The following CRMP1 variants were observed in gnomAD, a reference collection of about 807,000 sequenced individuals.
CRMP1 encodes dihydropyrimidinase-related protein 1.
In CRMP1, 19 loss-of-function variants were observed where a neutral mutation model predicts 68.3. That is an observed-to-expected ratio of 0.28 (90% CI 0.19 to 0.41). The LOEUF (loss-of-function observed/expected upper bound fraction) is 0.41, where lower values mean the gene tolerates loss of function less well. CRMP1 is among the 10% of genes least tolerant of loss of function. CRMP1 has a pLI of 1.00. For synonymous variants in CRMP1, 439 were observed against 399.6 expected (o/e 1.10, Z -1.18); for missense variants, 791 against 967.4 (o/e 0.82, Z 2.42).
chr4:5,875,815 A>G (rs1278418875), intron 1 of CRMP1, among the ~76,000 whole-genome samples: 2 of 151,342 alleles, frequency 1.3e-5, no homozygotes, highest in Admixed American at 6.6e-5. Flanking sequence ...ACCACATCCA[A>G]CCTTATAGTT....
chr4:5,842,908 C>A lies in CRMP1; in HGVS notation c.1032+185G>T, dbSNP rs762083456. The stretch of plus-strand genomic sequence containing the variant: ...TTCCAGGACCCTGGGAGAGGCAGCA[C>A]CTCTTCCTGTCTTCTCCAGCCAGCA... On this transcript the variant is annotated intron_variant, in intron 7 of 13. Transcript: ENST00000324989. This position sits in a 1 kb window ranked among gnomAD's most constrained non-coding sequence, Gnocchi z 4.5. Among the ~76,000 whole-genome samples, 1 of 152,176 alleles carries A rather than the reference C, an allele frequency of 6.6e-6. No homozygotes were observed. Among genetic ancestry groups the A allele is most frequent in the South Asian group, 2.1e-4 (1 of 4,824 alleles).
Position 5,860,176 on chromosome 4 carries a change from G to A in CRMP1, c.655+850C>T, listed in dbSNP as rs548707767. ...GTGTGCTCCTGTCAACTTTGGGCTCGGCCACATGACTGACCTTGGCCAATG... is the reference window on the plus strand; with the variant it reads ...GTGTGCTCCTGTCAACTTTGGGCTCAGCCACATGACTGACCTTGGCCAATG... On this transcript the variant is annotated intron_variant, in intron 3 of 13. Coordinates refer to ENST00000324989, the MANE Select transcript of CRMP1 (RefSeq NM_001014809.3). The surrounding 1 kb of genome is among the most constrained non-coding windows in gnomAD (Gnocchi z 4.2). Among the ~76,000 whole-genome samples, 3 of 152,160 alleles carry A rather than the reference G, an allele frequency of 2.0e-5. No individual in the cohort carries two copies. Among genetic ancestry groups the A allele is most frequent in the South Asian group, 2.1e-4 (1 of 4,804 alleles).
rs71171489 is a variant in CRMP1, at chr4:5,842,428, C to CAA, written c.1032+663_1032+664dup. 5.0e-5 allele frequency among the ~76,000 whole-genome samples: 5 copies of CAA among 99,080 alleles called. No individual in the cohort carries two copies. The highest frequency in any genetic ancestry group is 1.1e-4 in the Admixed American group (1 of 8,712). The allele number at this position is 99,080 out of a possible 152,430, so 65.0% of individuals were successfully genotyped here. Reference sequence around the variant, plus strand: ...TGGGCAACAGAGAGAGACTCCATCTCAAAAAAAAAAAAAAAAAAAGAAAAG... The same window carrying CAA: ...TGGGCAACAGAGAGAGACTCCATCTCAAAAAAAAAAAAAAAAAAAAAGAAAAG... On this transcript the variant is annotated intron_variant, in intron 7 of 13. Transcript: ENST00000324989. The surrounding 1 kb of genome is among the most constrained non-coding windows in gnomAD (Gnocchi z 4.5).
At chr4:5,880,425 G>T (rs976474057) in intron 1 of CRMP1, among the ~76,000 whole-genome samples, 5 of 152,140 alleles carry the variant, frequency 3.3e-5, no homozygotes, top group Non-Finnish European at 7.4e-5. Context: ...TTGGGGGCAG[G>T]TTCAAAATTT....
rs1278323076 is a variant in CRMP1 at position 5,850,419 on chromosome 4, T to A, written c.883-947A>T. 6.6e-6 allele frequency among the ~76,000 whole-genome samples: 1 copy of A among 152,214 alleles called. No individual in the cohort carries two copies. The highest frequency in any genetic ancestry group is 1.5e-5 in the Non-Finnish European group (1 of 68,030). On this transcript the variant is annotated intron_variant, in intron 5 of 13. Transcript: ENST00000324989. This position sits in a 1 kb window ranked among gnomAD's most constrained non-coding sequence, Gnocchi z 4.4. Reference sequence around the variant, plus strand: ...AATTTTCAGCTCTTTGAGTGTCTTTTGTTGACTGTATCAAAGGCCTCCAGG... The same window carrying A: ...AATTTTCAGCTCTTTGAGTGTCTTTAGTTGACTGTATCAAAGGCCTCCAGG...
In CRMP1 at chr4:5,870,905, G is replaced by C. The variant is rs1311552719; in HGVS notation, c.382-4149C>G. Among the ~76,000 whole-genome samples the C allele has an allele frequency of 6.6e-6, 1 of 152,154 alleles. No individual in the cohort carries two copies. The highest frequency in any genetic ancestry group is 1.5e-5 in the Non-Finnish European group (1 of 68,026). On this transcript the variant is annotated intron_variant, in intron 1 of 13. Coordinates refer to ENST00000324989, the MANE Select transcript of CRMP1 (RefSeq NM_001014809.3). The surrounding 1 kb of genome is among the most constrained non-coding windows in gnomAD (Gnocchi z 6.0). Reference sequence around the variant, plus strand: ...CCCGGCTCCAGAACAGGAAACATAAGTCACCAGCAGCTGGTGCATGGCTTC... The same window carrying C: ...CCCGGCTCCAGAACAGGAAACATAACTCACCAGCAGCTGGTGCATGGCTTC...
At position 5,883,310 on chromosome 4, in the gene CRMP1, T is replaced by C. The variant is rs935952747; in HGVS notation, c.381+9279A>G. Among the ~76,000 whole-genome samples, 6 of 150,420 alleles carry C rather than the reference T, an allele frequency of 4.0e-5. No individual in the cohort carries two copies. The highest frequency in any genetic ancestry group is 5.9e-5 in the Non-Finnish European group (4 of 67,564). ...TTTCTATCTTTCTCTTTCTTTCTTC[T>C]TTTTTGTTTGAGAGAGTCTCATTCT... On this transcript the variant is annotated intron_variant, in intron 1 of 13. Coordinates refer to ENST00000324989, the MANE Select transcript of CRMP1 (RefSeq NM_001014809.3). The surrounding 1 kb of genome is among the most constrained non-coding windows in gnomAD (Gnocchi z 4.5).
chr4:5,851,792 GGAA>G (rs1712647250), intron 4 of CRMP1, among the ~76,000 whole-genome samples: 3 of 149,904 alleles, frequency 2.0e-5, no homozygotes, highest in African/African-American at 4.9e-5. Context: ...AGGACAAGGA[GGAA>G]GAGGAAGAGG....
intron 1 of CRMP1, among the ~76,000 whole-genome samples, chr4:5,882,698 G>A (rs1017723683): frequency 6.6e-6 from 1 of 152,228 alleles, no homozygotes; most frequent in Middle Eastern, 3.2e-3. Context: ...AAGCCAGATA[G>A]TCTGAGTTCA....
At chr4:5,823,894 G>A (rs1423038280) in intron 13 of CRMP1, among the ~76,000 whole-genome samples, 6 of 152,158 alleles carry the variant, frequency 3.9e-5, no homozygotes, top group South Asian at 2.1e-4. Flanking sequence ...CGTAACATAC[G>A]CAGATATTAA....
chr4:5,858,513 C>G lies in CRMP1; in HGVS notation c.656-2206G>C, dbSNP rs537386771. Among the ~76,000 whole-genome samples the G allele has an allele frequency of 6.6e-6, 1 of 152,178 alleles. No homozygotes were observed. Among genetic ancestry groups the G allele is most frequent in the East Asian group, 1.9e-4 (1 of 5,160 alleles). On this transcript the variant is annotated intron_variant, in intron 3 of 13. Coordinates refer to ENST00000324989, the MANE Select transcript of CRMP1 (RefSeq NM_001014809.3). The surrounding 1 kb of genome is among the most constrained non-coding windows in gnomAD (Gnocchi z 5.5). The stretch of plus-strand genomic sequence containing the variant: ...TCCCTCACATGCCCCCGTGTGTGAC[C>G]CAGCACCGAAGGCTGTTGACTGGCC...
rs528329650 is a variant in CRMP1, at chr4:5,892,097, T to C, written c.381+492A>G. Among the ~76,000 whole-genome samples, 2 of 152,224 alleles carry C rather than the reference T, an allele frequency of 1.3e-5. No individual in the cohort carries two copies. The highest frequency in any genetic ancestry group is 4.1e-4 in the South Asian group (2 of 4,820). On this transcript the variant is annotated intron_variant, in intron 1 of 13. Coordinates refer to ENST00000324989, the MANE Select transcript of CRMP1 (RefSeq NM_001014809.3). This position sits in a 1 kb window ranked among gnomAD's most constrained non-coding sequence, Gnocchi z 8.6. ...AAAAGCTCCTTCCAGCTTTAAGCTG[T>C]GTGGCCGCAGGCGACTCGCGGAACC...
At chr4:5,887,267 G>A in intron 1 of CRMP1, 2 of 832,642 alleles carry the variant, frequency 2.4e-6, no homozygotes, top group Non-Finnish European at 2.9e-6. Flanking sequence ...CGACTGTCCA[G>A]GAGCCTGAAT....
chr4:5,822,494 G>A (rs1434890236), intron 13 of CRMP1, among the ~76,000 whole-genome samples: 1 of 77,390 alleles, frequency 1.3e-5, no homozygotes, highest in Non-Finnish European at 2.2e-5. Context: ...TGGATCTGAA[G>A]GGGGGGGGGG....
chr4:5,827,956 G>T (rs1161403656), intron 12 of CRMP1: 4 of 820,024 alleles, frequency 4.9e-6, no homozygotes, highest in Non-Finnish European at 5.9e-6. Flanking sequence ...TCAGTGCTAA[G>T]GTTGTTCAAG....
At position 5,861,402 on chromosome 4, in the gene CRMP1, G is replaced by A. The variant is rs1164485687; in HGVS notation, c.471-192C>T. On this transcript the variant is annotated intron_variant, in intron 2 of 13. Coordinates refer to ENST00000324989, the MANE Select transcript of CRMP1 (RefSeq NM_001014809.3). The surrounding 1 kb of genome is among the most constrained non-coding windows in gnomAD (Gnocchi z 6.0). ...TAGTCTAATAGGACGTAAGACAGGTGGGCAGACTGTTAGAGCCCAGTATAG... is the reference window on the plus strand; with the variant it reads ...TAGTCTAATAGGACGTAAGACAGGTAGGCAGACTGTTAGAGCCCAGTATAG... 2.0e-5 allele frequency among the ~76,000 whole-genome samples: 3 copies of A among 152,202 alleles called. No homozygotes were observed. Among genetic ancestry groups the A allele is most frequent in the East Asian group, 3.9e-4 (2 of 5,194 alleles).
At position 5,883,063 on chromosome 4, in the gene CRMP1, C is replaced by T. The variant is rs1453208462; in HGVS notation, c.381+9526G>A. Among the ~76,000 whole-genome samples, 1 of 152,126 alleles carries T rather than the reference C, an allele frequency of 6.6e-6. No individual in the cohort carries two copies. The highest frequency in any genetic ancestry group is 1.5e-5 in the Non-Finnish European group (1 of 68,034). On this transcript the variant is annotated intron_variant, in intron 1 of 13. Transcript: ENST00000324989. This position sits in a 1 kb window ranked among gnomAD's most constrained non-coding sequence, Gnocchi z 4.5. The stretch of plus-strand genomic sequence containing the variant: ...TCTGATTCACCTGTGTGAAATATTC[C>T]ACCCACCTTGCATGCCCTTCCCTTC...
intron 11 of CRMP1, among the ~76,000 whole-genome samples, chr4:5,835,559 G>C (rs1216891049): frequency 2.6e-5 from 4 of 152,208 alleles, no homozygotes; most frequent in Non-Finnish European, 5.9e-5. Context: ...TTTCCAGCTT[G>C]ATAATTAAAT....
In CRMP1 at chr4:5,862,322, A is replaced by T. The variant is rs112134022; in HGVS notation, c.471-1112T>A. 8.5e-3 allele frequency among the ~76,000 whole-genome samples: 1,265 copies of T among 148,004 alleles called. 16 individuals are homozygous for T. Among genetic ancestry groups the T allele is most frequent in the African/African-American group, 0.032 (1,206 of 37,550 alleles). ...TTATAATAACCAATCCCTTACCCCC[A>T]GAATGTCCACCGCCGCTGCTTATAA... On this transcript the variant is annotated intron_variant, in intron 2 of 13. Transcript: ENST00000324989.
Sources: gnomAD v4.1 joint callset for allele counts (sites outside exome capture counted in the v4.1 genomes callset) on GRCh38, gnomAD v4.1.1 for gene constraint, Gnocchi (gnomAD v3.1) non-coding constraint, MANE v1.5 for transcripts, NCBI Gene and HGNC (gene_info 2026-07-23, HGNC 2026-07-21) for gene names.